Variants in HTR1F observed in about 807,000 individuals in gnomAD.
HTR1F encodes 5-hydroxytryptamine (serotonin) receptor 1F, G protein-coupled.
HTR1F carries 17 observed loss-of-function variants against 24.0 expected under a neutral mutation model. The ratio of observed to expected loss-of-function variants is 0.71; its 90% CI spans 0.48 to 1.06. The LOEUF (loss-of-function observed/expected upper bound fraction) is 1.06, where lower values mean the gene tolerates loss of function less well. Among genes scored for constraint, HTR1F ranks in the 50% least tolerant of loss-of-function variants. The pLI, the probability that HTR1F is intolerant of heterozygous loss-of-function variation, is 0.00. For missense variants in HTR1F, 391 were observed against 427.8 expected, an observed-to-expected ratio of 0.91 and a Z score of 0.76; for synonymous variants, 186 against 156.8, an observed-to-expected ratio of 1.19 and a Z score of -1.39.
chr3:87,835,286 A>G (rs1704659975), intron 2 of HTR1F, among the ~76,000 whole-genome samples: 5 of 133,346 alleles, frequency 3.7e-5, no homozygotes, highest in Admixed American at 3.7e-4. Context: ...ACCCCCCCGC[A>G]AACCCAACCC....
At chr3:87,936,721 T>A (rs1332110228) in intron 2 of HTR1F, among the ~76,000 whole-genome samples, 1 of 152,120 alleles carries the variant, frequency 6.6e-6, no homozygotes, top group Non-Finnish European at 1.5e-5. Flanking sequence ...CATAAACAAC[T>A]GAAATATTTT....
intron 1 of HTR1F, among the ~76,000 whole-genome samples, chr3:87,802,864 T>C (rs558235231): frequency 1.3e-5 from 2 of 152,308 alleles, no homozygotes; most frequent in African/African-American, 4.8e-5. Flanking sequence ...AAAGTGCCCA[T>C]TGCAACATTC....
intron 2 of HTR1F, among the ~76,000 whole-genome samples, chr3:87,950,364 T>A (rs1284705129): frequency 6.6e-6 from 1 of 152,220 alleles, no homozygotes; most frequent in Non-Finnish European, 1.5e-5. Flanking sequence ...TTGGACTTCC[T>A]TATTACATCA....
At chr3:87,844,372 GTTGT>G (rs1461824257) in intron 2 of HTR1F, among the ~76,000 whole-genome samples, 36 of 136,304 alleles carry the variant, frequency 2.6e-4, no homozygotes, top group African/African-American at 1.1e-3. Flanking sequence ...TTTTGATGGG[GTTGT>G]TTGTTTTTTT....
chr3:87,950,188 A>G (rs976017355), intron 2 of HTR1F, among the ~76,000 whole-genome samples: 57 of 152,194 alleles, frequency 3.7e-4, no homozygotes, highest in African/African-American at 1.3e-3. Context: ...GCAATTTATA[A>G]GAGATCTGCC....
In HTR1F at chr3:87,952,195, A is replaced by G. The variant is rs559837160; in HGVS notation, c.-42-38513A>G. ...TCTACATTGACTCAGGTAAGACCTG[A>G]ATGAAACATGTTTATATTTTACTAA... On this transcript the variant is annotated intron_variant, in intron 2 of 2. Transcript: ENST00000319595. Among the ~76,000 whole-genome samples the G allele has an allele frequency of 2.6e-5, 4 of 152,230 alleles. No homozygotes were observed. In the South Asian group the frequency reaches 8.3e-4, roughly 32 times the overall value.
chr3:87,836,733 T>A (rs1262007420), intron 2 of HTR1F, among the ~76,000 whole-genome samples: 1 of 152,134 alleles, frequency 6.6e-6, no homozygotes, highest in Non-Finnish European at 1.5e-5. Context: ...TTAAAATATA[T>A]GTATCAACTC....
chr3:87,982,995 G>A (rs184050919), intron 2 of HTR1F, among the ~76,000 whole-genome samples: 1 of 152,112 alleles, frequency 6.6e-6, no homozygotes, highest in Admixed American at 6.5e-5. Context: ...GATGAGATCT[G>A]GGGGAGCTTG....
At chr3:87,836,910 TAA>T (rs1704694650) in intron 2 of HTR1F, among the ~76,000 whole-genome samples, 1 of 152,034 alleles carries the variant, frequency 6.6e-6, no homozygotes, top group South Asian at 2.1e-4. Context: ...CTTTTATCTT[TAA>T]GTTATTAATA....
chr3:87,895,731 G>A (rs1706183904), intron 2 of HTR1F, among the ~76,000 whole-genome samples: 1 of 152,114 alleles, frequency 6.6e-6, no homozygotes, highest in South Asian at 2.1e-4. Flanking sequence ...CATACTTGTA[G>A]ATAAAAAAAC....
intron 2 of HTR1F, among the ~76,000 whole-genome samples, chr3:87,919,674 C>T (rs1324493399): frequency 2.0e-5 from 3 of 151,918 alleles, no homozygotes; most frequent in East Asian, 1.9e-4. Flanking sequence ...TATGATACCA[C>T]CTTACTCCAG....
intron 2 of HTR1F, among the ~76,000 whole-genome samples, chr3:87,850,801 A>G (rs1705068567): frequency 6.6e-6 from 1 of 151,266 alleles, no homozygotes; most frequent in East Asian, 1.9e-4. Context: ...ATTTAATTGT[A>G]TTTAGGAACA....
chr3:87,804,152 A>C (rs1704037127), intron 1 of HTR1F, among the ~76,000 whole-genome samples: 1 of 152,174 alleles, frequency 6.6e-6, no homozygotes, highest in African/African-American at 2.4e-5. Context: ...TACACTTAAA[A>C]CTAAAAAGTA....
At chr3:87,926,992 C>G (rs1704140966) in intron 2 of HTR1F, among the ~76,000 whole-genome samples, 1 of 151,968 alleles carries the variant, frequency 6.6e-6, no homozygotes, top group African/African-American at 2.4e-5. Context: ...ACAATTGCTG[C>G]TTTGGTAGAA....
chr3:87,894,012 C>CTT lies in HTR1F; in HGVS notation c.-43+71897_-43+71898dup, dbSNP rs112398757. On this transcript the variant is annotated intron_variant, in intron 2 of 2. Coordinates refer to ENST00000319595, the MANE Select transcript of HTR1F (RefSeq NM_001322209.2). ...GCTTTGGACAGCTTTTTTTATTTTT[C>CTT]TTTTTTTTTTATTTCCATAGGTTTT... 5.9e-3 allele frequency among the ~76,000 whole-genome samples: 868 copies of CTT among 147,750 alleles called. 5 individuals are homozygous for CTT. Among genetic ancestry groups the CTT allele is most frequent in the African/African-American group, 0.021 (833 of 40,338 alleles).
intron 1 of HTR1F, among the ~76,000 whole-genome samples, chr3:87,801,976 GCTTT>G (rs909151098): frequency 1.3e-4 from 19 of 151,422 alleles, no homozygotes; most frequent in Admixed American, 1.2e-3. Flanking sequence ...GCATGGCTTT[GCTTT>G]CTTTCTTTCC....
chr3:87,931,146 C>A (rs907634236), intron 2 of HTR1F, among the ~76,000 whole-genome samples: 4 of 151,696 alleles, frequency 2.6e-5, no homozygotes, highest in Non-Finnish European at 4.4e-5. Context: ...GTGCTGCACC[C>A]ATTAACTCAT....
At chr3:87,832,630 A>C (rs1287958099) in intron 2 of HTR1F, among the ~76,000 whole-genome samples, 1 of 152,144 alleles carries the variant, frequency 6.6e-6, no homozygotes, top group Non-Finnish European at 1.5e-5. Flanking sequence ...GCCCAGCCAG[A>C]ATACCCCTTC....
intron 2 of HTR1F, among the ~76,000 whole-genome samples, chr3:87,954,918 C>A (rs1489017384): frequency 6.6e-6 from 1 of 151,294 alleles, no homozygotes; most frequent in Admixed American, 6.6e-5. Context: ...GTTTGTACAT[C>A]TTCTGGTGTC....
Sources: gnomAD v4.1 joint callset for allele counts (sites outside exome capture counted in the v4.1 genomes callset) on GRCh38, gnomAD v4.1.1 for gene constraint, MANE v1.5 for transcripts, NCBI Gene and HGNC (gene_info 2026-07-23, HGNC 2026-07-21) for gene names.